Variants in PARP8 observed in about 807,000 individuals in gnomAD.
PARP8 encodes protein mono-ADP-ribosyltransferase PARP8.
A neutral mutation model predicts 124.1 loss-of-function variants in PARP8; 51 were observed. The ratio of observed to expected loss-of-function variants is 0.41; its 90% confidence interval spans 0.33 to 0.52. The LOEUF (loss-of-function observed/expected upper bound fraction) is 0.52, where lower values mean the gene tolerates loss of function less well. PARP8 is among the 20% of genes least tolerant of loss of function. PARP8 has a pLI of 0.21. For missense variants in PARP8, 860 were observed against 1,018.9 expected (o/e 0.84, Z 2.12); for synonymous variants, 391 against 361.5 (o/e 1.08, Z -0.93).
chr5:50,827,334 A>T (rs764913591), intron 19 of PARP8, among the ~76,000 whole-genome samples: 1 of 152,140 alleles, frequency 6.6e-6, no homozygotes, highest in Non-Finnish European at 1.5e-5. Context: ...ATTCCTATGC[A>T]TTATATTCCT....
In PARP8 at chr5:50,819,427, C is replaced by CTTTTTTTTT. The variant is rs34347134; in HGVS notation, c.1669-1764_1669-1756dup. 6.4e-4 allele frequency among the ~76,000 whole-genome samples: 30 copies of CTTTTTTTTT among 46,652 alleles called. 2 individuals are homozygous for CTTTTTTTTT. Among genetic ancestry groups the CTTTTTTTTT allele is most frequent in the South Asian group, 2.4e-3 (2 of 832 alleles). The allele number at this position is 46,652 out of a possible 152,430, so 30.6% of individuals were successfully genotyped here. A position where few individuals can be genotyped will look rare whatever the true frequency, so the allele number is the denominator to read the frequency against. On this transcript the variant is annotated intron_variant, in intron 15 of 25. Coordinates refer to ENST00000281631, the MANE Select transcript of PARP8 (RefSeq NM_024615.4). Reference sequence around the variant, plus strand: ...GTCTCAGAAAAGGCTATTTTATCTTCTTTTTTTTTTTTTTTTTTTTTTTTT... The same window carrying CTTTTTTTTT: ...GTCTCAGAAAAGGCTATTTTATCTTCTTTTTTTTTTTTTTTTTTTTTTTTTTTTTTTTTT...
intron 2 of PARP8, among the ~76,000 whole-genome samples, chr5:50,692,149 T>G (rs1374828217): frequency 6.6e-6 from 1 of 152,182 alleles, no homozygotes; most frequent in Non-Finnish European, 1.5e-5. Context: ...TCATATTACT[T>G]CATCTGCTTA....
chr5:50,803,029 G>A (rs1289820548), intron 14 of PARP8, among the ~76,000 whole-genome samples: 1 of 152,070 alleles, frequency 6.6e-6, no homozygotes, highest in Non-Finnish European at 1.5e-5. Flanking sequence ...TTTTACCTGG[G>A]AGTGTTTTAA....
chr5:50,821,396 T>C, intron 16 of PARP8, 58 bp downstream of exon 16: 1 of 1,578,232 alleles, frequency 6.3e-7, no homozygotes, highest in South Asian at 1.1e-5. Flanking sequence ...AACAACAATA[T>C]TGAGATTGTA....
chr5:50,680,600 C>T (rs932016996), intron 2 of PARP8, among the ~76,000 whole-genome samples: 2 of 152,046 alleles, frequency 1.3e-5, no homozygotes, highest in African/African-American at 4.8e-5. Context: ...ACTCTCATTC[C>T]CCAAAGTTTG....
chr5:50,795,821 T>C (rs182805881), intron 12 of PARP8, among the ~76,000 whole-genome samples: 2 of 152,350 alleles, frequency 1.3e-5, no homozygotes, highest in African/African-American at 4.8e-5. Context: ...TGTGGTTAAA[T>C]TGAGAATAAT....
Position 50,797,232 on chromosome 5 carries a change from G to T in PARP8, c.1574G>T (p.Arg525Met). ...PHVFQNGPML[R>M]PTVCERELCV... ...GTGTTTCAAAATGGCCCTATGCTTAGGGTAAGTTCTTGCTGATAGAATGTC... is the reference window on the plus strand; with the variant it reads ...GTGTTTCAAAATGGCCCTATGCTTATGGTAAGTTCTTGCTGATAGAATGTC... Residue 525 changes from arginine to methionine, a missense_variant and splice_region_variant, in exon 14 of 26, where the codon AGG becomes ATG. Around this residue, in one of 2 missense-constraint regions of PARP8, gnomAD observed 343 missense variants for 474.7 expected, o/e 0.72. Transcript: ENST00000281631. 1 of 1,597,786 alleles carries T rather than the reference G, an allele frequency of 6.3e-7. No individual in the cohort carries two copies. The highest frequency in any genetic ancestry group is 1.1e-5 in the South Asian group (1 of 89,388).
intron 14 of PARP8, among the ~76,000 whole-genome samples, chr5:50,814,029 C>G (rs1454428257): frequency 6.6e-6 from 1 of 152,092 alleles, no homozygotes; most frequent in Non-Finnish European, 1.5e-5. Context: ...TCACTGTTTA[C>G]TTCCTCAGTA....
chr5:50,811,392 T>A (rs1744423180), intron 14 of PARP8, among the ~76,000 whole-genome samples: 1 of 151,960 alleles, frequency 6.6e-6, no homozygotes, highest in Non-Finnish European at 1.5e-5. Flanking sequence ...GAGGTCTCGG[T>A]GAAATTGCCA....
intron 10 of PARP8, among the ~76,000 whole-genome samples, chr5:50,788,877 G>A (rs1741617771): frequency 6.6e-6 from 1 of 152,104 alleles, no homozygotes. Flanking sequence ...CAGGCTCTGA[G>A]TCCCTAACAT....
intron 9 of PARP8, 96 bp downstream of exon 9, chr5:50,778,746 A>G: frequency 1.6e-6 from 1 of 631,052 alleles, no homozygotes; most frequent in Non-Finnish European, 2.5e-6. Context: ...TCTGAGCAAA[A>G]GTGCTAAATA....
rs1344195778 is a variant in PARP8, at chr5:50,774,857, G to A, written c.519-3212G>A. ...ACTTCCTAGATGGGGTGGTGGCCAG[G>A]CAGAGACGCTCCTCACATCCCAGAC... On this transcript the variant is annotated intron_variant, in intron 7 of 25. Coordinates refer to ENST00000281631, the MANE Select transcript of PARP8 (RefSeq NM_024615.4). Among the ~76,000 whole-genome samples the A allele has an allele frequency of 2.7e-5, 4 of 145,736 alleles. No individual in the cohort carries two copies. The East Asian group carries it at 8.3e-4, about 30-fold the overall frequency.
chr5:50,703,005 T>C (rs1273712513), intron 2 of PARP8, among the ~76,000 whole-genome samples: 3 of 151,962 alleles, frequency 2.0e-5, no homozygotes, highest in African/African-American at 7.3e-5. Context: ...TTACAGAAGA[T>C]AAAAAGTGTT....
At chr5:50,740,216 A>G (rs114517231) in intron 2 of PARP8, among the ~76,000 whole-genome samples, 4,371 of 152,306 alleles carry the variant, frequency 0.029, 89 homozygotes, top group Middle Eastern at 0.041. Context: ...ACAATCAGCC[A>G]TATTTACAAA....
rs1241838617 is a variant in PARP8 at position 50,828,357 on chromosome 5, G to C, written c.2136G>C (p.Leu712=). The change falls in exon 21 of 26, where the codon CTG becomes CTC. Residue 712 remains leucine (L), a synonymous_variant. Coordinates refer to ENST00000281631, the MANE Select transcript of PARP8 (RefSeq NM_024615.4). ...ENWHSILRNG[L]VVASNTRLQL... ...GGCACTCCATCCTGAGGAATGGTCT[G>C]GTTGTTGCTTCTAATACACGATTGC... 6.2e-7 allele frequency: 1 copy of C among 1,613,502 alleles called. No homozygotes were observed. Among genetic ancestry groups the C allele is most frequent in the Admixed American group, 1.7e-5 (1 of 59,954 alleles).
chr5:50,736,657 C>A (rs916857592), intron 2 of PARP8, among the ~76,000 whole-genome samples: 7 of 152,120 alleles, frequency 4.6e-5, no homozygotes, highest in African/African-American at 1.7e-4. Context: ...ATTTGTAATG[C>A]CATGAACAAG....
At position 50,809,133 on chromosome 5, in the gene PARP8, C is replaced by A. The variant is rs1261832659; in HGVS notation, c.1576-6299C>A. On this transcript the variant is annotated intron_variant, in intron 14 of 25. Transcript: ENST00000281631. ...ATGTTTAAGCCTAATTAGACCTGAT[C>A]CTGTATCTTACTGTGGATCTGCCTT... Among the ~76,000 whole-genome samples the A allele has an allele frequency of 3.9e-5, 6 of 152,120 alleles. No homozygotes were observed. The East Asian group carries it at 1.2e-3, about 29-fold the overall frequency.
intron 17 of PARP8, among the ~76,000 whole-genome samples, chr5:50,823,705 C>G (rs1241050215): frequency 1.3e-5 from 2 of 152,168 alleles, no homozygotes; most frequent in Non-Finnish European, 2.9e-5. Context: ...TTAAAAATAG[C>G]TACAAACTCT....
chr5:50,755,101 T>C (rs1759774877), intron 3 of PARP8, among the ~76,000 whole-genome samples: 1 of 152,214 alleles, frequency 6.6e-6, no homozygotes, highest in African/African-American at 2.4e-5. Flanking sequence ...GATGAGTAGA[T>C]TGCAAACATT....
Sources: gnomAD v4.1 joint callset for allele counts (sites outside exome capture counted in the v4.1 genomes callset) on GRCh38, gnomAD v4.1.1 for gene constraint, gnomAD v4.1.1 regional missense constraint, MANE v1.5 for transcripts, NCBI Gene and HGNC (gene_info 2026-07-23, HGNC 2026-07-21) for gene names.